SLC24A4: variants seen among roughly 807,000 people sequenced by gnomAD.
SLC24A4 encodes solute carrier family 24 member 4.
A neutral mutation model predicts 79.0 loss-of-function variants in SLC24A4; 53 were observed. That is an observed-to-expected ratio of 0.67 (90% CI 0.54 to 0.84). SLC24A4 has a LOEUF of 0.84. SLC24A4 is among the 40% of genes least tolerant of loss of function. The pLI, the probability that SLC24A4 is intolerant of heterozygous loss-of-function variation, is 0.00. For synonymous variants in SLC24A4, 323 were observed against 323.8 expected (o/e 1.00, Z 0.03); for missense variants, 731 against 822.0 (o/e 0.89, Z 1.35).
chr14:92,430,099 A>G (rs368341552), intron 2 of SLC24A4, among the ~76,000 whole-genome samples: 1 of 152,196 alleles, frequency 6.6e-6, no homozygotes, highest in African/African-American at 2.4e-5. Context: ...ATCGATTCAC[A>G]TTCTTTCTGG....
At chr14:92,459,727 G>A (rs942577520) in intron 12 of SLC24A4, among the ~76,000 whole-genome samples, 2 of 152,268 alleles carry the variant, frequency 1.3e-5, no homozygotes, top group East Asian at 1.9e-4. Flanking sequence ...CGGTGGGAAC[G>A]GAGTTGTACA....
At chr14:92,483,783 C>T (rs1411788085) in intron 13 of SLC24A4, 1 of 1,290,058 alleles carries the variant, frequency 7.8e-7, no homozygotes, top group Admixed American at 2.3e-5. Flanking sequence ...GATTGTGAAA[C>T]TCACTCTCAG....
At chr14:92,443,587 A>G (rs1264629198) in intron 7 of SLC24A4, 113 bp downstream of exon 7, 4 of 1,070,808 alleles carry the variant, frequency 3.7e-6, no homozygotes, top group Non-Finnish European at 5.6e-6. Context: ...ACAGCACACA[A>G]TAGTGGGGTG....
chr14:92,382,832 G>A (rs1392223305), intron 2 of SLC24A4, among the ~76,000 whole-genome samples: 1 of 152,240 alleles, frequency 6.6e-6, no homozygotes, highest in African/African-American at 2.4e-5. Context: ...GCCAGGTGCT[G>A]CCCTGGGCAC....
intron 2 of SLC24A4, among the ~76,000 whole-genome samples, chr14:92,330,944 C>T (rs766642458): frequency 6.6e-6 from 1 of 152,228 alleles, no homozygotes; most frequent in Non-Finnish European, 1.5e-5. Flanking sequence ...AGTTTCCACA[C>T]ATCTCCTGGG....
chr14:92,471,431 G>A (rs953332173), intron 12 of SLC24A4, among the ~76,000 whole-genome samples: 1 of 150,148 alleles, frequency 6.7e-6, no homozygotes, highest in African/African-American at 2.4e-5. Flanking sequence ...AGGAAGCCTA[G>A]GAAATTAAGA....
At position 92,323,620 on chromosome 14, in the gene SLC24A4, G is replaced by C. The variant is rs969623037; in HGVS notation, c.-211G>C. Reference sequence around the variant, plus strand: ...CGCGCAGCGCGCACGCGGCGCGCGGGACTCTGAGCTCCGGCCGCGTCGCGC... The same window carrying C: ...CGCGCAGCGCGCACGCGGCGCGCGGCACTCTGAGCTCCGGCCGCGTCGCGC... On this transcript the variant is annotated 5_prime_UTR_variant, in exon 1 of 17. Coordinates refer to ENST00000532405, the MANE Select transcript of SLC24A4 (RefSeq NM_153646.4). This position sits in a 1 kb window ranked among gnomAD's most constrained non-coding sequence, Gnocchi z 4.9. 7 of 469,742 alleles carry C rather than the reference G, an allele frequency of 1.5e-5. No individual in the cohort carries two copies. Among genetic ancestry groups the C allele is most frequent in the African/African-American group, 1.2e-4 (6 of 48,762 alleles). 29.1% of individuals were successfully genotyped at this position (469,742 alleles called of 1,614,324 possible). A position where few individuals can be genotyped will look rare whatever the true frequency, so the allele number is the denominator to read the frequency against.
Position 92,476,505 on chromosome 14 carries a change from A to G in SLC24A4, c.1256-6175A>G, listed in dbSNP as rs956111064. ...ATGATTTAGGAAGATTCTAGCACAA[A>G]TATTACAGAGCAAACACAGCTAGTG... On this transcript the variant is annotated intron_variant, in intron 12 of 16. Coordinates refer to ENST00000532405, the MANE Select transcript of SLC24A4 (RefSeq NM_153646.4). Among the ~76,000 whole-genome samples the G allele has an allele frequency of 4.6e-5, 7 of 152,148 alleles. 1 individual carries two copies. Among genetic ancestry groups the G allele is most frequent in the Non-Finnish European group, 7.3e-5 (5 of 68,030 alleles).
chr14:92,355,293 G>A (rs1041428757), intron 2 of SLC24A4, among the ~76,000 whole-genome samples: 5 of 152,268 alleles, frequency 3.3e-5, no homozygotes, highest in African/African-American at 1.2e-4. Flanking sequence ...GGCTGGAGCG[G>A]GGTGGGGGCA....
intron 2 of SLC24A4, among the ~76,000 whole-genome samples, chr14:92,327,303 T>G (rs1885201164): frequency 6.6e-6 from 1 of 152,154 alleles, no homozygotes; most frequent in Non-Finnish European, 1.5e-5. Context: ...GGGATTCACT[T>G]GTCACCTGGG....
chr14:92,456,292 T>C, intron 11 of SLC24A4, 112 bp from the exon 12 acceptor site: 1 of 1,016,670 alleles, frequency 9.8e-7, no homozygotes, highest in Non-Finnish European at 1.5e-6. Flanking sequence ...TCCCCAGGGT[T>C]GTTGTTCTAG....
At chr14:92,466,540 G>C (rs1363517092) in intron 12 of SLC24A4, among the ~76,000 whole-genome samples, 1 of 152,070 alleles carries the variant, frequency 6.6e-6, no homozygotes, top group East Asian at 1.9e-4. Context: ...AAATTTAATG[G>C]TACAAAAAAA....
chr14:92,415,353 G>A (rs1039995647), intron 2 of SLC24A4, among the ~76,000 whole-genome samples: 1 of 152,220 alleles, frequency 6.6e-6, no homozygotes, highest in South Asian at 2.1e-4. Context: ...TTTGGTCCTG[G>A]GGCCTTGCCT....
chr14:92,416,481 C>A (rs1028043949), intron 2 of SLC24A4, among the ~76,000 whole-genome samples: 106 of 152,254 alleles, frequency 7.0e-4, no homozygotes, highest in African/African-American at 2.3e-3. Flanking sequence ...CTGAACTTTC[C>A]AGACTTTTAA....
intron 2 of SLC24A4, among the ~76,000 whole-genome samples, chr14:92,418,396 A>G (rs1349638179): frequency 1.3e-5 from 2 of 152,138 alleles, no homozygotes; most frequent in Admixed American, 6.5e-5. Flanking sequence ...CCCAACCCCA[A>G]TTCACCATAG....
At chr14:92,404,217 C>T (rs1376027964) in intron 2 of SLC24A4, among the ~76,000 whole-genome samples, 2 of 152,234 alleles carry the variant, frequency 1.3e-5, no homozygotes, top group Admixed American at 1.3e-4. Context: ...TCGTCTCTGG[C>T]TGGACTATTG....
intron 12 of SLC24A4, among the ~76,000 whole-genome samples, chr14:92,459,433 C>T (rs1230733580): frequency 6.6e-6 from 1 of 152,168 alleles, no homozygotes; most frequent in African/African-American, 2.4e-5. Context: ...CTCTGAGGGG[C>T]TCTGCCCTTG....
chr14:92,492,703 C>T (rs769294247), intron 16 of SLC24A4: 3 of 379,990 alleles, frequency 7.9e-6, no homozygotes, highest in Non-Finnish European at 1.6e-5. Context: ...CTATCATTCC[C>T]ATTGCAGAAG....
intron 12 of SLC24A4, among the ~76,000 whole-genome samples, chr14:92,465,081 G>A (rs540210189): frequency 2.0e-5 from 3 of 152,324 alleles, no homozygotes; most frequent in South Asian, 2.1e-4. Context: ...TGAGAACAAC[G>A]TGTTCCCTGA....
Sources: gnomAD v4.1 joint callset for allele counts (sites outside exome capture counted in the v4.1 genomes callset) on GRCh38, gnomAD v4.1.1 for gene constraint, Gnocchi (gnomAD v3.1) non-coding constraint, MANE v1.5 for transcripts, NCBI Gene and HGNC (gene_info 2026-07-23, HGNC 2026-07-21) for gene names.